The following TENM3 variants were observed in gnomAD, a reference collection of about 807,000 sequenced individuals.
TENM3 encodes the protein teneurin transmembrane protein 3.
Under a neutral mutation model 255.1 loss-of-function variants are expected in TENM3, and 63 were observed. The observed-to-expected ratio is 0.25, with a 90% confidence interval of 0.20 to 0.30. The LOEUF is 0.30. Among genes scored for constraint, TENM3 ranks in the 10% least tolerant of loss-of-function variants. TENM3 has a pLI of 1.00. For synonymous variants in TENM3, 1,306 were observed against 1,322.3 expected, an observed-to-expected ratio of 0.99 and a Z score of 0.27; for missense variants, 2,929 against 3,461.1, an observed-to-expected ratio of 0.85 and a Z score of 3.86.
At chr4:182,185,830 T>C (rs1041030388) in intron 1 of TENM3, among the ~76,000 whole-genome samples, 2 of 152,180 alleles carry the variant, frequency 1.3e-5, no homozygotes, top group Non-Finnish European at 2.9e-5. Flanking sequence ...CTTCGCAGTG[T>C]GCCAAAGTGA....
chr4:182,639,859 A>G (rs1752147152), intron 5 of TENM3, among the ~76,000 whole-genome samples: 1 of 152,132 alleles, frequency 6.6e-6, no homozygotes, highest in South Asian at 2.1e-4. Flanking sequence ...TGGGAGCCTG[A>G]GGCGGGCAGA....
chr4:181,932,210 C>T, the TENM3 span, among the ~76,000 whole-genome samples: 2 of 152,142 alleles, frequency 1.3e-5, no homozygotes, highest in East Asian at 1.9e-4. Context: ...GCAAAAGAAA[C>T]TATCATCAGA....
chr4:182,044,536 A>G, the TENM3 span, among the ~76,000 whole-genome samples: 3 of 152,386 alleles, frequency 2.0e-5, no homozygotes, highest in Admixed American at 2.0e-4. Flanking sequence ...TGAGAAGAAA[A>G]GATCACACAA....
the TENM3 span, among the ~76,000 whole-genome samples, chr4:181,674,991 G>A: frequency 6.6e-6 from 1 of 151,938 alleles, no homozygotes; most frequent in Non-Finnish European, 1.5e-5. Flanking sequence ...GTTCAGTGCT[G>A]GAGACACAGA....
intron 1 of TENM3, among the ~76,000 whole-genome samples, chr4:182,204,668 T>A (rs940606258): frequency 7.9e-5 from 12 of 152,184 alleles, no homozygotes; most frequent in Admixed American, 7.2e-4. Context: ...CCATTATTTA[T>A]CTAAGGGACA....
At chr4:182,207,516 G>A (rs1052367359) in intron 1 of TENM3, among the ~76,000 whole-genome samples, 4 of 152,208 alleles carry the variant, frequency 2.6e-5, no homozygotes, top group Admixed American at 1.3e-4. Flanking sequence ...GGGCAGAGCT[G>A]TTATTAAAAT....
intron 7 of TENM3, among the ~76,000 whole-genome samples, chr4:182,673,422 T>A (rs1475729229): frequency 1.3e-5 from 2 of 152,174 alleles, no homozygotes; most frequent in South Asian, 2.1e-4. Context: ...TCTTCCTGAT[T>A]TGACTGTTTA....
chr4:182,054,643 T>C, the TENM3 span, among the ~76,000 whole-genome samples: 48 of 152,286 alleles, frequency 3.2e-4, no homozygotes, highest in African/African-American at 1.1e-3. Context: ...TGTCATTAGA[T>C]TGGTTATAAC....
chr4:182,619,953 A>G (rs534351491), intron 4 of TENM3, among the ~76,000 whole-genome samples: 1 of 152,370 alleles, frequency 6.6e-6, no homozygotes, highest in Admixed American at 6.5e-5. Flanking sequence ...AATGGGGAAT[A>G]TTCTCACAGG....
intron 5 of TENM3, among the ~76,000 whole-genome samples, chr4:182,650,963 C>T (rs1753227890): frequency 6.8e-6 from 1 of 146,832 alleles, no homozygotes; most frequent in African/African-American, 2.5e-5. Flanking sequence ...AATAAAATAG[C>T]TCTCCCAACA....
At chr4:181,577,800 T>G in the TENM3 span, among the ~76,000 whole-genome samples, 1 of 152,206 alleles carries the variant, frequency 6.6e-6, no homozygotes, top group Non-Finnish European at 1.5e-5. Context: ...GCTCTTTTTT[T>G]TAATACCAAT....
At chr4:181,748,819 TAGAC>T in the TENM3 span, among the ~76,000 whole-genome samples, 4 of 152,236 alleles carry the variant, frequency 2.6e-5, no homozygotes, top group South Asian at 6.2e-4. Context: ...AGTATATTGT[TAGAC>T]AGGAGGCCGA....
chr4:181,887,014 A>G, the TENM3 span, among the ~76,000 whole-genome samples: 1 of 152,124 alleles, frequency 6.6e-6, no homozygotes, highest in Non-Finnish European at 1.5e-5. Context: ...GCTCATAAGA[A>G]CCCAGCAAAT....
the TENM3 span, among the ~76,000 whole-genome samples, chr4:181,973,361 T>C: frequency 1.3e-5 from 2 of 151,972 alleles, no homozygotes; most frequent in African/African-American, 2.4e-5. Context: ...AAGTAAATTA[T>C]AACAAGTTAG....
the TENM3 span, among the ~76,000 whole-genome samples, chr4:181,712,580 C>A: frequency 1.3e-5 from 2 of 152,144 alleles, no homozygotes; most frequent in African/African-American, 4.8e-5. Context: ...TCAGGTATTT[C>A]TATATAGCAA....
chr4:182,694,814 T>A (rs1251333266), intron 12 of TENM3, among the ~76,000 whole-genome samples: 4 of 151,852 alleles, frequency 2.6e-5, no homozygotes, highest in African/African-American at 9.7e-5. Flanking sequence ...CAAGATGGGG[T>A]GGAAAGAGAG....
At chr4:181,664,810 T>A in the TENM3 span, among the ~76,000 whole-genome samples, 6 of 152,196 alleles carry the variant, frequency 3.9e-5, no homozygotes, top group African/African-American at 1.4e-4. Flanking sequence ...ACCCCGCTCT[T>A]GCTCTCTGCC....
the TENM3 span, among the ~76,000 whole-genome samples, chr4:181,648,671 C>G: frequency 5.3e-5 from 8 of 152,176 alleles, no homozygotes; most frequent in Admixed American, 6.5e-5. Flanking sequence ...GACTAGGGAG[C>G]ATTCAGTTGT....
At chr4:182,321,290 C>T (rs1425505923) in intron 1 of TENM3, among the ~76,000 whole-genome samples, 2 of 152,154 alleles carry the variant, frequency 1.3e-5, no homozygotes, top group Non-Finnish European at 2.9e-5. Flanking sequence ...ACCTAGAAGG[C>T]AGCCTAGCAC....
Sources: gnomAD v4.1 joint callset for allele counts (sites outside exome capture counted in the v4.1 genomes callset) on GRCh38, gnomAD v4.1.1 for gene constraint, MANE v1.5 for transcripts, NCBI Gene and HGNC (gene_info 2026-07-23, HGNC 2026-07-21) for gene names.